Variants in ADCY9 observed in about 807,000 individuals in gnomAD.
ADCY9 encodes adenylate cyclase type 9.
A neutral mutation model predicts 101.5 loss-of-function variants in ADCY9; 50 were observed. The ratio of observed to expected loss-of-function variants is 0.49; its 90% CI spans 0.39 to 0.62. The LOEUF is 0.62. Among genes scored for constraint, ADCY9 ranks in the 20% least tolerant of loss-of-function variants. The probability of loss-of-function intolerance (pLI) is 0.00; values close to 1 mark genes in which losing one functional copy is unlikely to be tolerated. For missense variants in ADCY9, 1,662 were observed against 1,800.4 expected, an observed-to-expected ratio of 0.92 and a Z score of 1.39; for synonymous variants, 905 against 769.3, an observed-to-expected ratio of 1.18 and a Z score of -2.92.
At chr16:4,027,276 C>T (rs8055604) in intron 2 of ADCY9, among the ~76,000 whole-genome samples, 3 of 152,210 alleles carry the variant, frequency 2.0e-5, no homozygotes, top group African/African-American at 7.2e-5. Flanking sequence ...TCGTTGCTTT[C>T]TTTGTGCATT....
At position 4,025,375 on chromosome 16, in the gene ADCY9, CA is replaced by C. The variant is rs367980802; in HGVS notation, c.1694-17818del. On this transcript the variant is annotated intron_variant, in intron 2 of 10. Transcript: ENST00000294016. The stretch of plus-strand genomic sequence containing the variant: ...GGGCAACAGAGCAAGACTCTGTCTC[CA>C]AAAAAAAAAAAAAAGAAGTGGATCA... Among the ~76,000 whole-genome samples, 23 of 130,354 alleles carry C rather than the reference CA, an allele frequency of 1.8e-4. 1 individual carries two copies. Among genetic ancestry groups the C allele is most frequent in the Admixed American group, 5.5e-4 (7 of 12,778 alleles). The allele number at this position is 130,354 out of a possible 152,430, so 85.5% of individuals were successfully genotyped here.
At chr16:4,008,754 G>C (rs1240634973) in intron 2 of ADCY9, among the ~76,000 whole-genome samples, 2 of 152,200 alleles carry the variant, frequency 1.3e-5, no homozygotes, top group African/African-American at 4.8e-5. Context: ...GTAGAGACAG[G>C]GTTTCTCCAT....
intron 3 of ADCY9, among the ~76,000 whole-genome samples, chr16:4,004,638 C>A (rs141410805): frequency 1.3e-5 from 2 of 152,206 alleles, no homozygotes; most frequent in Admixed American, 1.3e-4. Context: ...ATGCTCGACA[C>A]TTGGGAAATA....
Position 4,114,777 on chromosome 16 carries a change from C to T in ADCY9, c.666G>A (p.Gly222=), listed in dbSNP as rs186190242. ...GCACTTCGATGCACATGGAGAAGCT[C>T]CCCACTTGAGATAAGCAAGTATCTG... ...RPTDTCLSQV[G]SFSMCIEVLF... The change falls in exon 2 of 11, where the codon GGG becomes GGA. Residue 222 remains glycine, a synonymous_variant. Transcript: ENST00000294016. The surrounding 1 kb of genome is among the most constrained non-coding windows in gnomAD (Gnocchi z 4.3). 10 of 1,613,272 alleles carry T rather than the reference C, an allele frequency of 6.2e-6. No individual in the cohort carries two copies. In the East Asian group the frequency reaches 2.2e-4, roughly 36 times the overall value.
At chr16:3,973,091 G>T (rs1049655036) in intron 10 of ADCY9, among the ~76,000 whole-genome samples, 1 of 152,104 alleles carries the variant, frequency 6.6e-6, no homozygotes, top group Admixed American at 6.5e-5. Flanking sequence ...CCTAGTAAAT[G>T]AAAATCTTAA....
Position 4,021,180 on chromosome 16 carries a change from CAT to C in ADCY9, c.1694-13624_1694-13623del, listed in dbSNP as rs1462585735. Among the ~76,000 whole-genome samples the C allele has an allele frequency of 2.0e-5, 3 of 152,328 alleles. No homozygotes were observed. The East Asian group carries it at 5.8e-4, about 29-fold the overall frequency. On this transcript the variant is annotated intron_variant, in intron 2 of 10. Transcript: ENST00000294016. Reference sequence around the variant, plus strand: ...TCTTTCACACCCATTAAAAGCAGCACATGTATTAAACACACTGCTGCACAATG... The same window carrying C: ...TCTTTCACACCCATTAAAAGCAGCACGTATTAAACACACTGCTGCACAATG...
chr16:4,091,057 CTATTT>C (rs2056970441), intron 2 of ADCY9, among the ~76,000 whole-genome samples: 1 of 149,306 alleles, frequency 6.7e-6, no homozygotes. Flanking sequence ...ATATAAGTTC[CTATTT>C]TATTATTTTA....
chr16:4,048,921 A>G (rs2141146471), intron 2 of ADCY9, among the ~76,000 whole-genome samples: 1 of 152,268 alleles, frequency 6.6e-6, no homozygotes, highest in Middle Eastern at 3.4e-3. Flanking sequence ...CCTGGTCTCC[A>G]GCTCACAACT....
At position 3,992,298 on chromosome 16, in the gene ADCY9, G is replaced by A. The variant is rs149713311; in HGVS notation, c.2055C>T (p.Leu685=). 1.8e-4 allele frequency: 285 copies of A among 1,614,168 alleles called. 1 individual carries two copies. The African/African-American group carries it at 3.3e-3, about 19-fold the overall frequency. The change falls in exon 5 of 11, where the codon CTC becomes CTT. Residue 685 remains leucine, a synonymous_variant. Transcript: ENST00000294016. This position sits in a 1 kb window ranked among gnomAD's most constrained non-coding sequence, Gnocchi z 4.2. ...GLLSPPQEEK[L]TNSQTSLCEI... is the part of the protein sequence containing the mutation. ...CACACAGAGAAGTCTGACTGTTGGT[G>A]AGCTTCTCCTCTTGGGGAGGGCTGA...
intron 2 of ADCY9, among the ~76,000 whole-genome samples, chr16:4,061,193 A>C (rs1489639543): frequency 6.6e-6 from 1 of 152,098 alleles, no homozygotes; most frequent in Admixed American, 6.6e-5. Flanking sequence ...AAAGAAAAAT[A>C]AAAAGAACCT....
intron 2 of ADCY9, among the ~76,000 whole-genome samples, chr16:4,076,576 G>A (rs2056868582): frequency 6.6e-6 from 1 of 152,180 alleles, no homozygotes; most frequent in Admixed American, 6.5e-5. Flanking sequence ...ACAAAGTGAG[G>A]CTGGGGATTT....
At chr16:4,012,849 G>A (rs1012340143) in intron 2 of ADCY9, among the ~76,000 whole-genome samples, 4 of 152,158 alleles carry the variant, frequency 2.6e-5, no homozygotes, top group Non-Finnish European at 4.4e-5. Flanking sequence ...AGTGATGGGC[G>A]AGGCCCATTT....
chr16:4,037,296 C>T (rs535777143), intron 2 of ADCY9, among the ~76,000 whole-genome samples: 1 of 152,142 alleles, frequency 6.6e-6, no homozygotes, highest in South Asian at 2.1e-4. Context: ...CTAACCTGGG[C>T]AACAGAGCAA....
intron 2 of ADCY9, among the ~76,000 whole-genome samples, chr16:4,075,295 C>A (rs533393826): frequency 6.6e-6 from 1 of 152,130 alleles, no homozygotes; most frequent in African/African-American, 2.4e-5. Context: ...TGTGCCACCA[C>A]GCCCAGATAA....
At position 3,993,432 on chromosome 16, in the gene ADCY9, G is replaced by C. The variant is rs1245676303; in HGVS notation, c.1963C>G (p.Gln655Glu). ...TTGGTGCTGTTTTTATGCTCGTCTT[G>C]GCAGCCGTTTTGAGGTGCTCCTCCC... The part of the protein sequence containing the change: ...AEGGAPQNGC[Q>E]DEHKNSTKAS... Residue 655 changes from glutamine (Q) to glutamate (E), a missense_variant, in exon 4 of 11, where the codon CAA becomes GAA. Coordinates refer to ENST00000294016, the MANE Select transcript of ADCY9 (RefSeq NM_001116.4). 2.5e-6 allele frequency: 4 copies of C among 1,614,052 alleles called. No homozygotes were observed. The highest frequency in any genetic ancestry group is 2.2e-5 in the East Asian group (1 of 44,896).
At position 4,007,444 on chromosome 16, in the gene ADCY9, G is replaced by A. The variant is rs769064622; in HGVS notation, c.1808C>T (p.Pro603Leu). 8.1e-6 allele frequency: 13 copies of A among 1,614,068 alleles called. No homozygotes were observed. In the Admixed American group the frequency reaches 1.2e-4, roughly 14 times the overall value. Residue 603 changes from proline to leucine, a missense_variant, in exon 3 of 11, where the codon CCT (proline) becomes CTT (leucine). By Grantham distance (98) the Pro-to-Leu change is moderately conservative. Around this residue, in one of 5 missense-constraint regions of ADCY9, gnomAD observed 624 missense variants for 639.1 expected, o/e 0.98. Transcript: ENST00000294016. ...VIDGSQVSSGPRGQGTASSGN... is the reference protein window; with the variant it reads ...VIDGSQVSSGLRGQGTASSGN... ...TGATGACGCTGTCCCCTGTCCCCTA[G>A]GGCCTGAGGACACCTGTGAGCCGTC... is the stretch of plus-strand genomic sequence containing the variant.
chr16:3,975,878 C>T (rs760752105), intron 9 of ADCY9, among the ~76,000 whole-genome samples: 11 of 152,164 alleles, frequency 7.2e-5, no homozygotes, highest in Non-Finnish European at 1.5e-4. Flanking sequence ...TTGTTCACTG[C>T]TTACATTCTG....
intron 2 of ADCY9, among the ~76,000 whole-genome samples, chr16:4,106,420 C>G (rs2141205125): frequency 6.6e-6 from 1 of 152,294 alleles, no homozygotes; most frequent in South Asian, 2.1e-4. Flanking sequence ...AGCACCGGTG[C>G]CTGGCCACTT....
chr16:4,075,446 A>C (rs2056860997), intron 2 of ADCY9, among the ~76,000 whole-genome samples: 1 of 152,150 alleles, frequency 6.6e-6, no homozygotes, highest in Non-Finnish European at 1.5e-5. Context: ...GCCAGTGCCT[A>C]ATTTTAATCT....
Sources: gnomAD v4.1 joint callset for allele counts (sites outside exome capture counted in the v4.1 genomes callset) on GRCh38, gnomAD v4.1.1 for gene constraint, gnomAD v4.1.1 regional missense constraint, Gnocchi (gnomAD v3.1) non-coding constraint, MANE v1.5 for transcripts, NCBI Gene and HGNC (gene_info 2026-07-23, HGNC 2026-07-21) for gene names.